The following SHANK2 variants were observed in gnomAD, a reference collection of about 807,000 sequenced individuals.
SHANK2 encodes SH3 and multiple ankyrin repeat domains 2, also known as SH3 and multiple ankyrin repeat domains protein 2.
A neutral mutation model predicts 133.7 loss-of-function variants in SHANK2; 43 were observed. The observed-to-expected ratio is 0.32, with a 90% CI of 0.25 to 0.41. The LOEUF (loss-of-function observed/expected upper bound fraction) is 0.41, where lower values mean the gene tolerates loss of function less well. SHANK2 is among the 10% of genes least tolerant of loss of function. The pLI is 1.00. For missense variants in SHANK2, 1,994 were observed against 2,235.8 expected (o/e 0.89, Z 2.18); for synonymous variants, 1,017 against 952.8 (o/e 1.07, Z -1.24).
At chr11:70,826,406 C>T (rs1489520520) in intron 11 of SHANK2, 2 of 469,094 alleles carry the variant, frequency 4.3e-6, no homozygotes, top group South Asian at 1.6e-5. Flanking sequence ...TCCCCCACCC[C>T]GAGAATCAGC....
chr11:70,687,295 C>A (rs1945177078), intron 15 of SHANK2, among the ~76,000 whole-genome samples: 2 of 152,224 alleles, frequency 1.3e-5, no homozygotes, highest in Non-Finnish European at 2.9e-5. Flanking sequence ...AGGCTTGAAA[C>A]CTGCTTGCTG....
Position 70,756,360 on chromosome 11 carries a change from G to A in SHANK2, c.1777+42083C>T, listed in dbSNP as rs146042910. Among the ~76,000 whole-genome samples the A allele has an allele frequency of 7.1e-3, 1,079 of 152,320 alleles. 13 individuals carry two copies. The highest frequency in any genetic ancestry group is 0.025 in the African/African-American group (1,023 of 41,566). ...AACAGGGATAATAAGGGTTCCAGGA[G>A]CACTCACTGATCCTGGGGGCTGGCC... is the stretch of plus-strand genomic sequence containing the variant. On this transcript the variant is annotated intron_variant, in intron 14 of 25. Coordinates refer to ENST00000601538, the MANE Select transcript of SHANK2 (RefSeq NM_012309.5).
chr11:71,129,393 C>T (rs1952253509), intron 3 of SHANK2, among the ~76,000 whole-genome samples: 1 of 152,220 alleles, frequency 6.6e-6, no homozygotes, highest in Non-Finnish European at 1.5e-5. Flanking sequence ...GATACATCTA[C>T]ACCCCTCTTA....
chr11:70,606,450 G>C (rs1323497239), intron 17 of SHANK2, among the ~76,000 whole-genome samples: 2 of 150,300 alleles, frequency 1.3e-5, no homozygotes, highest in African/African-American at 4.9e-5. Context: ...GGGGTGGGGG[G>C]GTGTCACGTG....
At chr11:70,904,998 A>G (rs537466463) in intron 10 of SHANK2, among the ~76,000 whole-genome samples, 1 of 152,258 alleles carries the variant, frequency 6.6e-6, no homozygotes, top group Non-Finnish European at 1.5e-5. Flanking sequence ...CAGCGTGAAA[A>G]TGGACTAATA....
chr11:70,745,692 C>G (rs1946623706), intron 14 of SHANK2, among the ~76,000 whole-genome samples: 1 of 152,188 alleles, frequency 6.6e-6, no homozygotes. Context: ...GCCTGGCCCC[C>G]ACCTGGCCCA....
chr11:70,764,104 A>T (rs1181182379), intron 14 of SHANK2, among the ~76,000 whole-genome samples: 1 of 106,346 alleles, frequency 9.4e-6, no homozygotes, highest in Non-Finnish European at 1.9e-5. Context: ...CCATCCACCC[A>T]CCCACCCACC....
chr11:71,092,616 G>C (rs782492162), intron 7 of SHANK2, 27 bp from the exon 8 acceptor site: 49 of 1,548,256 alleles, frequency 3.2e-5, no homozygotes, highest in Middle Eastern at 1.7e-4. Context: ...GAAAGCCGTC[G>C]TTATTGGTCT....
At chr11:71,146,690 GGCACA>G (rs1249274026) in intron 3 of SHANK2, among the ~76,000 whole-genome samples, 4 of 152,200 alleles carry the variant, frequency 2.6e-5, no homozygotes, top group Non-Finnish European at 5.9e-5. Context: ...CTGGGCCTCT[GGCACA>G]GCAGAGTCCG....
intron 1 of SHANK2, among the ~76,000 whole-genome samples, chr11:71,234,882 A>G (rs2135783296): frequency 6.6e-6 from 1 of 152,264 alleles, no homozygotes; most frequent in South Asian, 2.1e-4. Context: ...AAACATGTAT[A>G]CAAATGTTCA....
chr11:70,615,431 C>A (rs531511366), intron 17 of SHANK2, among the ~76,000 whole-genome samples: 36 of 152,144 alleles, frequency 2.4e-4, no homozygotes, highest in Non-Finnish European at 4.4e-4. Flanking sequence ...GAGCTCTGTC[C>A]CAGTCTTCCC....
At chr11:71,172,791 G>T (rs1326787529) in intron 2 of SHANK2, among the ~76,000 whole-genome samples, 1 of 152,138 alleles carries the variant, frequency 6.6e-6, no homozygotes, top group Non-Finnish European at 1.5e-5. Context: ...CATAGTTAAC[G>T]CCAGGGCAAT....
intron 17 of SHANK2, among the ~76,000 whole-genome samples, chr11:70,505,886 C>T (rs1591516427): frequency 6.6e-6 from 1 of 152,286 alleles, no homozygotes. Context: ...CTAGAATCCT[C>T]ATCCTCCAGA....
intron 11 of SHANK2, among the ~76,000 whole-genome samples, chr11:70,867,080 G>T (rs984351043): frequency 6.7e-6 from 1 of 149,880 alleles, no homozygotes; most frequent in East Asian, 2.0e-4. Context: ...ACAGGACCTC[G>T]TAGCCCAGAG....
intron 6 of SHANK2, among the ~76,000 whole-genome samples, chr11:71,101,707 C>T (rs1555096656): frequency 6.6e-6 from 1 of 152,248 alleles, no homozygotes; most frequent in African/African-American, 2.4e-5. Flanking sequence ...ACACATCAAA[C>T]AAGCCCCTTC....
At position 70,658,000 on chromosome 11, in the gene SHANK2, C is replaced by T. The variant is rs534370458; in HGVS notation, c.2061+1828G>A. Among the ~76,000 whole-genome samples, 345 of 152,254 alleles carry T rather than the reference C, an allele frequency of 2.3e-3. 2 individuals are homozygous for T. Among genetic ancestry groups the T allele is most frequent in the African/African-American group, 8.0e-3 (334 of 41,550 alleles). ...ACGTGCCTCAGCAGGCCACGTTTCT[C>T]TTATTGATGAGGTTATCCAGGAAAC... On this transcript the variant is annotated intron_variant, in intron 17 of 25. Transcript: ENST00000601538.
chr11:70,709,806 C>A (rs988784921), intron 14 of SHANK2, among the ~76,000 whole-genome samples: 1 of 149,902 alleles, frequency 6.7e-6, no homozygotes, highest in Non-Finnish European at 1.5e-5. Context: ...GTCCATGTGA[C>A]GGCTGAGCAC....
chr11:71,218,549 C>T (rs1954466345), intron 2 of SHANK2, among the ~76,000 whole-genome samples: 1 of 152,066 alleles, frequency 6.6e-6, no homozygotes, highest in Admixed American at 6.5e-5. Context: ...AGGTGTGAGC[C>T]CCCGGGACCG....
intron 17 of SHANK2, among the ~76,000 whole-genome samples, chr11:70,657,940 A>G (rs1159834786): frequency 6.6e-6 from 1 of 152,150 alleles, no homozygotes; most frequent in African/African-American, 2.4e-5. Context: ...TAACCCACTG[A>G]GGCTCCGCTC....
Sources: gnomAD v4.1 joint callset for allele counts (sites outside exome capture counted in the v4.1 genomes callset) on GRCh38, gnomAD v4.1.1 for gene constraint, MANE v1.5 for transcripts, NCBI Gene and HGNC (gene_info 2026-07-23, HGNC 2026-07-21) for gene names.